Variants in PCDHA5 observed in about 807,000 individuals in gnomAD.
The protein encoded by PCDHA5 is protocadherin alpha 5, also known as protocadherin alpha-5.
In PCDHA5, 43 loss-of-function variants were observed where a neutral mutation model predicts 61.6. That is an observed-to-expected ratio of 0.70 (90% confidence interval 0.55 to 0.90). PCDHA5 has a LOEUF of 0.90. PCDHA5 is among the 40% of genes least tolerant of loss of function. The pLI is 0.00. For missense variants in PCDHA5, 1,298 were observed against 1,222.7 expected (o/e 1.06, Z -0.92); for synonymous variants, 627 against 543.9 (o/e 1.15, Z -2.13).
At chr5:140,944,385 C>T (rs1273075803) in intron 1 of PCDHA5, among the ~76,000 whole-genome samples, 4 of 152,092 alleles carry the variant, frequency 2.6e-5, no homozygotes, top group Non-Finnish European at 5.9e-5. Flanking sequence ...TGGAGTCTCA[C>T]TGTGTTATCC....
chr5:140,999,751 G>A (rs1167424188), intron 3 of PCDHA5, among the ~76,000 whole-genome samples: 1 of 152,150 alleles, frequency 6.6e-6, no homozygotes, highest in Non-Finnish European at 1.5e-5. Flanking sequence ...TGGGTTCGCA[G>A]CACATGATGT....
chr5:140,834,827 T>C (rs1773317793), intron 1 of PCDHA5: 1 of 1,611,982 alleles, frequency 6.2e-7, no homozygotes, highest in African/African-American at 1.3e-5. Flanking sequence ...CCAGGCCGCT[T>C]GACTCTCGGT....
chr5:140,870,632 A>G, intron 1 of PCDHA5: 1 of 1,612,930 alleles, frequency 6.2e-7, no homozygotes, highest in Non-Finnish European at 8.5e-7. Flanking sequence ...GTGTCGGTGC[A>G]CGCGGAGAGC....
chr5:140,848,357 T>A (rs2150409370), intron 1 of PCDHA5: 1 of 1,035,382 alleles, frequency 9.7e-7, no homozygotes, highest in Non-Finnish European at 1.4e-6. Flanking sequence ...CCTTTTCCCA[T>A]GGGAAAGAGG....
chr5:140,986,638 G>A (rs185773882), intron 3 of PCDHA5, among the ~76,000 whole-genome samples: 18 of 152,282 alleles, frequency 1.2e-4, no homozygotes, highest in Non-Finnish European at 2.6e-4. Flanking sequence ...CAGTACATTA[G>A]TTTTAGAGTG....
intron 1 of PCDHA5, among the ~76,000 whole-genome samples, chr5:140,932,330 G>A (rs1339060592): frequency 6.6e-6 from 1 of 151,860 alleles, no homozygotes; most frequent in African/African-American, 2.4e-5. Context: ...TAGCAAAAAT[G>A]CATGAAACAC....
At chr5:140,999,605 G>T (rs1587843541) in intron 3 of PCDHA5, among the ~76,000 whole-genome samples, 2 of 152,132 alleles carry the variant, frequency 1.3e-5, no homozygotes, top group Admixed American at 1.3e-4. Context: ...CATCCTGGGG[G>T]ACCTTATCAA....
intron 1 of PCDHA5, chr5:140,930,195 G>A (rs1427541259): frequency 6.6e-6 from 1 of 152,140 alleles, no homozygotes; most frequent in East Asian, 1.9e-4. Context: ...TAATTTTTAT[G>A]TCAGAAATAT....
intron 1 of PCDHA5, among the ~76,000 whole-genome samples, chr5:140,923,894 G>A (rs2081566819): frequency 6.6e-6 from 1 of 152,186 alleles, no homozygotes; most frequent in African/African-American, 2.4e-5. Flanking sequence ...AAGAGGAGGA[G>A]TTTCTGTGAA....
At chr5:140,987,318 A>C (rs148008812) in intron 3 of PCDHA5, among the ~76,000 whole-genome samples, 3,398 of 152,304 alleles carry the variant, frequency 0.022, 70 homozygotes, top group Admixed American at 0.058. Flanking sequence ...TGTACTGTGA[A>C]GTTTTAAGAA....
intron 1 of PCDHA5, chr5:140,867,240 G>C (rs538392641): frequency 6.6e-6 from 1 of 152,186 alleles, no homozygotes; most frequent in African/African-American, 2.4e-5. Context: ...TAAGGTGATT[G>C]AGGATCTGTT....
At chr5:140,982,230 C>G (rs943404054) in intron 2 of PCDHA5, 9 of 619,854 alleles carry the variant, frequency 1.5e-5, no homozygotes, top group Admixed American at 3.8e-5. Flanking sequence ...TAATAAAAAA[C>G]AGAATTGCCA....
chr5:141,006,441 C>T (rs2098274470), intron 3 of PCDHA5, among the ~76,000 whole-genome samples: 1 of 152,110 alleles, frequency 6.6e-6, no homozygotes, highest in Non-Finnish European at 1.5e-5. Flanking sequence ...TCTCAATCTC[C>T]TGACCTCGAG....
At chr5:140,917,598 G>A (rs2078274580) in intron 1 of PCDHA5, among the ~76,000 whole-genome samples, 1 of 152,174 alleles carries the variant, frequency 6.6e-6, no homozygotes, top group Non-Finnish European at 1.5e-5. Flanking sequence ...TGAAAGGAAG[G>A]GGTCCAGTTT....
intron 1 of PCDHA5, among the ~76,000 whole-genome samples, chr5:140,909,682 A>G (rs1172515528): frequency 1.3e-5 from 2 of 152,132 alleles, no homozygotes; most frequent in Non-Finnish European, 2.9e-5. Flanking sequence ...CAGGGAGCCA[A>G]TGTGGGGGTT....
chr5:140,884,688 CTTA>C (rs782481361), intron 1 of PCDHA5: 8 of 1,535,868 alleles, frequency 5.2e-6, no homozygotes, highest in Non-Finnish European at 8.8e-7. Flanking sequence ...AAAAAATTGT[CTTA>C]GTAAACACTT....
At position 140,868,760 on chromosome 5, in the gene PCDHA5, T is replaced by A. The variant is rs554040026; in HGVS notation, c.2352+44633T>A. On this transcript the variant is annotated intron_variant, in intron 1 of 3. Transcript: ENST00000529859. ...AATACAATGCCATTTCCATATATATTTAGTTTCAATATGACTTATAATCTG... is the reference window on the plus strand; with the variant it reads ...AATACAATGCCATTTCCATATATATATAGTTTCAATATGACTTATAATCTG... The A allele has an allele frequency of 3.0e-3, 699 of 232,214 alleles. 6 individuals carry two copies. The highest frequency in any genetic ancestry group is 0.014 in the African/African-American group (640 of 44,274). The allele number at this position is 232,214 out of a possible 1,614,324, so 14.4% of individuals were successfully genotyped here.
chr5:140,985,060 C>T (rs1377386395), intron 3 of PCDHA5, among the ~76,000 whole-genome samples: 2 of 152,066 alleles, frequency 1.3e-5, no homozygotes, highest in Admixed American at 6.5e-5. Flanking sequence ...GCCTCAGCCT[C>T]CTGAGTAGCT....
At chr5:140,833,940 T>A (rs2150212257) in intron 1 of PCDHA5, among the ~76,000 whole-genome samples, 16 of 152,236 alleles carry the variant, frequency 1.1e-4, no homozygotes, top group Non-Finnish European at 1.9e-4. Context: ...GTCACTTAGG[T>A]TTCTATCTTT....
Sources: allele counts gnomAD v4.1 joint callset (sites outside exome capture counted in the v4.1 genomes callset), GRCh38; gene constraint gnomAD v4.1.1; transcripts MANE v1.5; gene names NCBI Gene and HGNC (gene_info 2026-07-23, HGNC 2026-07-21).